PNLIP: variants seen among roughly 807,000 people sequenced by gnomAD.
PNLIP encodes the protein pancreatic lipase, also known as pancreatic triacylglycerol lipase.
A neutral mutation model predicts 57.1 loss-of-function variants in PNLIP; 49 were observed. The observed-to-expected ratio is 0.86, with a 90% CI of 0.68 to 1.09. The LOEUF is 1.09. Among genes scored for constraint, PNLIP ranks in the 50% least tolerant of loss-of-function variants. The pLI, the probability that PNLIP is intolerant of heterozygous loss-of-function variation, is 0.00. For missense variants in PNLIP, 503 were observed against 570.2 expected (o/e 0.88, Z 1.20); for synonymous variants, 209 against 200.4 (o/e 1.04, Z -0.36).
At position 116,560,396 on chromosome 10, in the gene PNLIP, G is replaced by A; in HGVS notation, c.1061-20G>A. The A allele has an allele frequency of 7.4e-7, 1 of 1,357,510 alleles. No homozygotes were observed. Among genetic ancestry groups the A allele is most frequent in the Non-Finnish European group, 1.0e-6 (1 of 970,078 alleles). 84.1% of individuals were successfully genotyped at this position (1,357,510 alleles called of 1,614,324 possible). A position where few individuals can be genotyped will look rare whatever the true frequency, so the allele number is the denominator to read the frequency against. ...TCTTTTATCTCCAAACTGACATTTT[G>A]CAATTTTTCTCCCTTGCAGGTTGGA... On this transcript the variant is annotated intron_variant, in intron 10 of 12. Coordinates refer to ENST00000369221, the MANE Select transcript of PNLIP (RefSeq NM_000936.4).
chr10:116,560,507 G>A lies in PNLIP; in HGVS notation c.1152G>A (p.Lys384=). The A allele has an allele frequency of 1.3e-6, 2 of 1,512,360 alleles. No homozygotes were observed. The highest frequency in any genetic ancestry group is 1.8e-6 in the Non-Finnish European group (2 of 1,097,148). 93.7% of individuals were successfully genotyped at this position (1,512,360 alleles called of 1,614,324 possible). ...VSLFGNKGNS[K]QYEIFKGTLK... ...TGTTCGGAAATAAAGGAAACTCTAA[G>A]CAGTATGAAATTTTCAAGTGAGTAA... The change falls in exon 11 of 13, where the codon AAG becomes AAA. Residue 384 remains lysine, a synonymous_variant. Transcript: ENST00000369221.
chr10:116,547,522 C>T (rs1184169976), intron 3 of PNLIP, 74 bp downstream of exon 3: 22 of 1,202,016 alleles, frequency 1.8e-5, no homozygotes, highest in African/African-American at 3.1e-5. Context: ...GTCAGGAGAT[C>T]GAGACCATGC....
intron 3 of PNLIP, among the ~76,000 whole-genome samples, chr10:116,548,020 TCTC>T (rs1206758848): frequency 3.9e-5 from 6 of 152,102 alleles, no homozygotes; most frequent in Non-Finnish European, 5.9e-5. Context: ...ATTTATGTAA[TCTC>T]CTATTATATA....
At chr10:116,558,471 G>A (rs1032446431) in intron 9 of PNLIP, among the ~76,000 whole-genome samples, 5 of 151,298 alleles carry the variant, frequency 3.3e-5, no homozygotes, top group Non-Finnish European at 7.4e-5. Flanking sequence ...TGGGATTACA[G>A]GTGTGAGCCA....
At chr10:116,554,392 T>C (rs1162033094) in intron 6 of PNLIP, among the ~76,000 whole-genome samples, 4 of 152,210 alleles carry the variant, frequency 2.6e-5, no homozygotes, top group Non-Finnish European at 5.9e-5. Flanking sequence ...ACCCCAGAGT[T>C]GTCAGGGAAA....
At chr10:116,558,481 A>G (rs1847279762) in intron 9 of PNLIP, among the ~76,000 whole-genome samples, 1 of 152,046 alleles carries the variant, frequency 6.6e-6, no homozygotes, top group African/African-American at 2.4e-5. Context: ...GGTGTGAGCC[A>G]CCATGCACAG....
In PNLIP at chr10:116,553,756, G is replaced by A. The variant is rs1205043100; in HGVS notation, c.489G>A (p.Val163=). 1 of 1,612,632 alleles carries A rather than the reference G, an allele frequency of 6.2e-7. No homozygotes were observed. Among genetic ancestry groups the A allele is most frequent in the South Asian group, 1.1e-5 (1 of 90,978 alleles). ...CGTTCGGTTACTCACCTTCCAATGT[G>A]CATGTCATTGGCCACAGCCTGGGTG... The part of the protein sequence containing the change: ...QSAFGYSPSN[V]HVIGHSLGAH... Residue 163 remains valine (V), a synonymous_variant, in exon 6 of 13, where the codon GTG becomes GTA. Coordinates refer to ENST00000369221, the MANE Select transcript of PNLIP (RefSeq NM_000936.4).
intron 5 of PNLIP, among the ~76,000 whole-genome samples, chr10:116,552,713 T>C (rs1034798627): frequency 7.9e-5 from 12 of 152,038 alleles, no homozygotes; most frequent in African/African-American, 2.7e-4. Context: ...AGTGAAACCC[T>C]GTCTCTACTA....
At position 116,546,223 on chromosome 10, in the gene PNLIP, A is replaced by G. The variant is rs1046190215; in HGVS notation, c.46+85A>G. 15 of 1,115,222 alleles carry G rather than the reference A, an allele frequency of 1.3e-5. No homozygotes were observed. The South Asian group carries it at 1.5e-4, about 11-fold the overall frequency. The allele number at this position is 1,115,222 out of a possible 1,614,324, so 69.1% of individuals were successfully genotyped here. On this transcript the variant is annotated intron_variant, in intron 2 of 12. Coordinates refer to ENST00000369221, the MANE Select transcript of PNLIP (RefSeq NM_000936.4). ...GCTAGGGCAGCTGAATTCAGGCCGC[A>G]GTAATAACATGAAGATTTACTTCAA... is the stretch of plus-strand genomic sequence containing the variant.
chr10:116,557,215 A>T (rs1414140160), intron 9 of PNLIP, among the ~76,000 whole-genome samples: 1 of 152,112 alleles, frequency 6.6e-6, no homozygotes, highest in African/African-American at 2.4e-5. Flanking sequence ...TGGGGGAAAA[A>T]AATAAAGAAG....
intron 4 of PNLIP, among the ~76,000 whole-genome samples, chr10:116,550,110 G>A (rs1847174979): frequency 7.4e-6 from 1 of 135,342 alleles, no homozygotes; most frequent in African/African-American, 2.8e-5. Flanking sequence ...CCCGGCTAGA[G>A]TGCAGTGGCG....
chr10:116,550,642 T>G, intron 4 of PNLIP, among the ~76,000 whole-genome samples: 1 of 152,342 alleles, frequency 6.6e-6, no homozygotes, highest in South Asian at 2.1e-4. Flanking sequence ...TGTCTTTCAT[T>G]CATTCATTAA....
chr10:116,559,046 C>T, intron 9 of PNLIP, 108 bp from the exon 10 acceptor site: 1 of 1,345,578 alleles, frequency 7.4e-7, no homozygotes, highest in Non-Finnish European at 1.0e-6. Context: ...CATTTATCAT[C>T]AGAACAGAAC....
intron 11 of PNLIP, 115 bp downstream of exon 11, chr10:116,560,639 G>A (rs984609914): frequency 1.7e-5 from 9 of 538,342 alleles, no homozygotes; most frequent in Non-Finnish European, 2.6e-5. Flanking sequence ...GTGTAGTGGT[G>A]CAATCTTGGC....
chr10:116,555,113 T>C, intron 6 of PNLIP, 65 bp from the exon 7 acceptor site: 1 of 1,571,098 alleles, frequency 6.4e-7, no homozygotes, highest in Non-Finnish European at 8.8e-7. Flanking sequence ...GCATAACTCA[T>C]ATTTTACTCT....
chr10:116,559,614 G>T (rs894703440), intron 10 of PNLIP, among the ~76,000 whole-genome samples: 1 of 152,186 alleles, frequency 6.6e-6, no homozygotes, highest in Non-Finnish European at 1.5e-5. Flanking sequence ...AAGCAGAAAA[G>T]TAATCTAGGA....
At chr10:116,554,461 G>T (rs1269723477) in intron 6 of PNLIP, among the ~76,000 whole-genome samples, 1 of 152,198 alleles carries the variant, frequency 6.6e-6, no homozygotes, top group Non-Finnish European at 1.5e-5. Flanking sequence ...ATAACGAATA[G>T]TATTTTACAA....
At chr10:116,556,497 CAT>C (rs879448073) in intron 9 of PNLIP, among the ~76,000 whole-genome samples, 7 of 152,276 alleles carry the variant, frequency 4.6e-5, no homozygotes, top group South Asian at 2.1e-4. Flanking sequence ...TAATTATAGA[CAT>C]GTGGACATTT....
rs1847305953 is a variant in PNLIP, at chr10:116,560,654, TACA to T, written c.1169+133_1169+135del. The T allele has an allele frequency of 8.0e-6, 4 of 500,468 alleles. No homozygotes were observed. The South Asian group carries it at 1.2e-4, about 15-fold the overall frequency. The allele number at this position is 500,468 out of a possible 1,614,324, so 31.0% of individuals were successfully genotyped here. On this transcript the variant is annotated intron_variant, in intron 11 of 12. Transcript: ENST00000369221. ...GTGTAGTGGTGCAATCTTGGCTCAC[TACA>T]ACCTCTGCCTCTAGGGTTCAAGCAA...
Sources: gnomAD v4.1 joint callset for allele counts (sites outside exome capture counted in the v4.1 genomes callset) on GRCh38, gnomAD v4.1.1 for gene constraint, MANE v1.5 for transcripts, NCBI Gene and HGNC (gene_info 2026-07-23, HGNC 2026-07-21) for gene names.